The following CREB5 variants were observed in gnomAD, a reference collection of about 807,000 sequenced individuals.
CREB5 encodes cyclic AMP-responsive element-binding protein 5.
In CREB5, 19 loss-of-function variants were observed where a neutral mutation model predicts 57.1. That is an observed-to-expected ratio of 0.33 (90% CI 0.23 to 0.49). The LOEUF is 0.49. Ranked by LOEUF, CREB5 falls within the 20% of genes least tolerant of loss-of-function variation. CREB5 has a pLI of 0.99. For synonymous variants in CREB5, 238 were observed against 238.3 expected (o/e 1.00, Z 0.01); for missense variants, 579 against 671.6 (o/e 0.86, Z 1.52).
chr7:28,778,625 C>T (rs574681546), intron 7 of CREB5, among the ~76,000 whole-genome samples: 4 of 152,094 alleles, frequency 2.6e-5, no homozygotes, highest in Non-Finnish European at 4.4e-5. Context: ...TTACTTTTAT[C>T]ATTTTGGGAA....
intron 4 of CREB5, among the ~76,000 whole-genome samples, chr7:28,512,842 C>T (rs750893987): frequency 6.6e-6 from 1 of 152,196 alleles, no homozygotes; most frequent in Non-Finnish European, 1.5e-5. Flanking sequence ...AAATCGGACT[C>T]ATTATGCTGA....
At chr7:28,375,710 G>A (rs929721297) in intron 1 of CREB5, among the ~76,000 whole-genome samples, 1 of 150,048 alleles carries the variant, frequency 6.7e-6, no homozygotes, top group East Asian at 2.0e-4. Context: ...CTGGAAGTGA[G>A]TACTGTTCAA....
intron 1 of CREB5, among the ~76,000 whole-genome samples, chr7:28,325,037 A>G (rs1009605266): frequency 6.6e-6 from 1 of 152,020 alleles, no homozygotes; most frequent in African/African-American, 2.4e-5. Flanking sequence ...CCAATGCATC[A>G]CTCTACTACA....
intron 1 of CREB5, among the ~76,000 whole-genome samples, chr7:28,432,666 A>G (rs1788773171): frequency 6.6e-6 from 1 of 152,238 alleles, no homozygotes; most frequent in South Asian, 2.1e-4. Flanking sequence ...CGAGTCAGAA[A>G]GGAATAAAGG....
At chr7:28,663,266 G>A (rs961686526) in intron 5 of CREB5, among the ~76,000 whole-genome samples, 2 of 151,960 alleles carry the variant, frequency 1.3e-5, no homozygotes, top group Non-Finnish European at 2.9e-5. Context: ...GTGTAGTGGA[G>A]TGATCTCAGC....
chr7:28,443,005 A>G (rs756543356), intron 1 of CREB5, among the ~76,000 whole-genome samples: 1 of 152,208 alleles, frequency 6.6e-6, no homozygotes, highest in Non-Finnish European at 1.5e-5. Flanking sequence ...AGAGCTCTCT[A>G]TATGCCTTAT....
chr7:28,351,217 C>T (rs1160369306), intron 1 of CREB5, among the ~76,000 whole-genome samples: 1 of 152,148 alleles, frequency 6.6e-6, no homozygotes, highest in Non-Finnish European at 1.5e-5. Context: ...ATATGATTTT[C>T]TGGAATAGCT....
chr7:28,350,199 A>G (rs1435402326), intron 1 of CREB5, among the ~76,000 whole-genome samples: 1 of 152,176 alleles, frequency 6.6e-6, no homozygotes, highest in Non-Finnish European at 1.5e-5. Context: ...TCATAATTAT[A>G]TCTCTGATTA....
chr7:28,796,238 A>G (rs1461991880), intron 7 of CREB5, among the ~76,000 whole-genome samples: 2 of 152,058 alleles, frequency 1.3e-5, no homozygotes, highest in African/African-American at 4.8e-5. Context: ...TTTTGTCTCT[A>G]TGATTTAAGT....
intron 7 of CREB5, among the ~76,000 whole-genome samples, chr7:28,762,318 T>A (rs1805706186): frequency 6.6e-6 from 1 of 152,224 alleles, no homozygotes; most frequent in African/African-American, 2.4e-5. Flanking sequence ...GATGTCAGAA[T>A]GATGTGCTCA....
At chr7:28,641,913 AAAG>A (rs1239409673) in intron 5 of CREB5, among the ~76,000 whole-genome samples, 4 of 152,240 alleles carry the variant, frequency 2.6e-5, no homozygotes, top group Non-Finnish European at 5.9e-5. Context: ...TTTTGGGTCA[AAAG>A]AAAAGGCACG....
chr7:28,560,919 TGTGCGC>T (rs1256125851), intron 4 of CREB5, among the ~76,000 whole-genome samples: 1 of 42,990 alleles, frequency 2.3e-5, no homozygotes, highest in Non-Finnish European at 4.5e-5. Flanking sequence ...CGTGTGCGTG[TGTGCGC>T]GTGCGTGTGT....
chr7:28,402,877 G>T (rs1787501626), intron 1 of CREB5, among the ~76,000 whole-genome samples: 2 of 152,206 alleles, frequency 1.3e-5, no homozygotes, highest in Non-Finnish European at 2.9e-5. Context: ...TACCATCAGA[G>T]TGTATAGGCA....
chr7:28,400,685 T>G (rs144993738), intron 1 of CREB5, among the ~76,000 whole-genome samples: 10 of 152,332 alleles, frequency 6.6e-5, no homozygotes, highest in Middle Eastern at 3.4e-3. Flanking sequence ...TTAAATATTC[T>G]GTGTCATGTA....
Position 28,446,709 on chromosome 7 carries a change from G to A in CREB5, c.3+33792G>A, listed in dbSNP as rs144261853. On this transcript the variant is annotated intron_variant, in intron 1 of 10. Transcript: ENST00000357727. ...TGGGAGGCTGAGGCAGGAGACTGGC[G>A]TGAACCCGGGAGGTGGAGATTGCAG... is the stretch of plus-strand genomic sequence containing the variant. Among the ~76,000 whole-genome samples the A allele has an allele frequency of 4.1e-3, 623 of 152,224 alleles. 5 individuals carry two copies. The highest frequency in any genetic ancestry group is 0.029 in the East Asian group (152 of 5,172).
chr7:28,785,583 C>T (rs1014917733), intron 7 of CREB5, among the ~76,000 whole-genome samples: 54 of 152,132 alleles, frequency 3.5e-4, no homozygotes, highest in African/African-American at 1.3e-3. Flanking sequence ...AGACCTTGAC[C>T]ACTATCAGGC....
chr7:28,507,512 AT>A, intron 3 of CREB5, 103 bp from the exon 4 acceptor site: 1 of 1,378,220 alleles, frequency 7.3e-7, no homozygotes. Flanking sequence ...GCTAGTGGAC[AT>A]TTTAATTAAG....
At chr7:28,377,410 T>C (rs1786855214) in intron 1 of CREB5, among the ~76,000 whole-genome samples, 2 of 152,144 alleles carry the variant, frequency 1.3e-5, no homozygotes, top group East Asian at 3.9e-4. Flanking sequence ...ATTAATTTCA[T>C]CTGTTTGTTT....
At chr7:28,661,809 A>G (rs943925943) in intron 5 of CREB5, among the ~76,000 whole-genome samples, 4 of 152,228 alleles carry the variant, frequency 2.6e-5, no homozygotes, top group Non-Finnish European at 4.4e-5. Flanking sequence ...TCTAATGTAC[A>G]TTATTTTTAA....
Sources: gnomAD v4.1 joint callset for allele counts (sites outside exome capture counted in the v4.1 genomes callset) on GRCh38, gnomAD v4.1.1 for gene constraint, MANE v1.5 for transcripts, NCBI Gene and HGNC (gene_info 2026-07-23, HGNC 2026-07-21) for gene names.